TMEM268: variants seen among roughly 807,000 people sequenced by gnomAD.
The protein encoded by TMEM268 is transmembrane protein C9orf91.
Under a neutral mutation model 39.1 loss-of-function variants are expected in TMEM268, and 24 were observed. The observed-to-expected ratio is 0.61, with a 90% CI of 0.44 to 0.86. The LOEUF (loss-of-function observed/expected upper bound fraction) is 0.86, where lower values mean the gene tolerates loss of function less well. Among genes scored for constraint, TMEM268 ranks in the 40% least tolerant of loss-of-function variants. The probability of loss-of-function intolerance (pLI) is 0.00; values close to 1 mark genes in which losing one functional copy is unlikely to be tolerated. For synonymous variants in TMEM268, 176 were observed against 173.5 expected (o/e 1.01, Z -0.12); for missense variants, 409 against 428.6 (o/e 0.95, Z 0.40).
At chr9:114,617,360 C>G in intron 2 of TMEM268, 59 bp downstream of exon 2, 4 of 1,333,150 alleles carry the variant, frequency 3.0e-6, no homozygotes, top group Middle Eastern at 3.6e-4. Context: ...ACTGGACTCA[C>G]AGGGCACAGA....
intron 2 of TMEM268, among the ~76,000 whole-genome samples, chr9:114,619,320 C>T (rs1212114190): frequency 2.0e-5 from 3 of 151,304 alleles, no homozygotes; most frequent in Admixed American, 2.0e-4. Context: ...CACACACACA[C>T]AGACACACAC....
intron 6 of TMEM268, among the ~76,000 whole-genome samples, chr9:114,634,707 C>T (rs1846554392): frequency 6.6e-6 from 1 of 152,178 alleles, no homozygotes; most frequent in African/African-American, 2.4e-5. Context: ...AGAGGCTCCT[C>T]ATGCACCTGC....
At chr9:114,642,965 G>A (rs978799032) in intron 8 of TMEM268, among the ~76,000 whole-genome samples, 169 bp from the exon 9 acceptor site, 2 of 152,182 alleles carry the variant, frequency 1.3e-5, no homozygotes, top group Non-Finnish European at 1.5e-5. Flanking sequence ...TCTGGACCAG[G>A]CTGGCATCTT....
Position 114,643,514 on chromosome 9 carries a change from A to C in TMEM268, c.*201A>C. 1 of 579,022 alleles carries C rather than the reference A, an allele frequency of 1.7e-6. No individual in the cohort carries two copies. Among genetic ancestry groups the C allele is most frequent in the Non-Finnish European group, 3.1e-6 (1 of 324,988 alleles). 35.9% of individuals were successfully genotyped at this position (579,022 alleles called of 1,614,324 possible). A position where few individuals can be genotyped will look rare whatever the true frequency, so the allele number is the denominator to read the frequency against. On this transcript the variant is annotated 3_prime_UTR_variant, in exon 9 of 9. Coordinates refer to ENST00000288502, the MANE Select transcript of TMEM268 (RefSeq NM_153045.4). The stretch of plus-strand genomic sequence containing the variant: ...AATCCTTGTTTGACATCTCATGCTG[A>C]CCCCCTGGCCTTTGCAGAAGCTGAT...
chr9:114,610,038 T>C (rs1041785148), upstream of TMEM268, among the ~76,000 whole-genome samples: 7 of 149,496 alleles, frequency 4.7e-5, no homozygotes, highest in African/African-American at 1.7e-4. Flanking sequence ...TCGCGGTTTT[T>C]GCAATTTTTT....
chr9:114,607,093 T>A (rs1211334397), upstream of TMEM268, among the ~76,000 whole-genome samples: 2 of 152,214 alleles, frequency 1.3e-5, no homozygotes, highest in Admixed American at 1.3e-4. Context: ...ACAGGACAGA[T>A]GGAGCAACTG....
At chr9:114,607,403 C>G (rs1845379321), upstream of TMEM268, among the ~76,000 whole-genome samples, 1 of 152,122 alleles carries the variant, frequency 6.6e-6, no homozygotes, top group Non-Finnish European at 1.5e-5. Flanking sequence ...CACCTGTAAT[C>G]CCAGCACTTT....
At chr9:114,633,943 T>C (rs1846517553) in intron 6 of TMEM268, 65 bp downstream of exon 6, 1 of 890,518 alleles carries the variant, frequency 1.1e-6, no homozygotes, top group Non-Finnish European at 1.7e-6. Flanking sequence ...TGGAGAGCAG[T>C]GGCCTCATGT....
At chr9:114,618,016 A>G (rs953765217) in intron 2 of TMEM268, among the ~76,000 whole-genome samples, 13 of 152,012 alleles carry the variant, frequency 8.6e-5, no homozygotes, top group South Asian at 6.2e-4. Context: ...AGCTGGGATT[A>G]CAGGTACCCA....
At chr9:114,613,352 G>A (rs993186868) in intron 1 of TMEM268, among the ~76,000 whole-genome samples, 1 of 152,182 alleles carries the variant, frequency 6.6e-6, no homozygotes, top group African/African-American at 2.4e-5. Context: ...ATGGTCCCTC[G>A]TGGCTGCTCG....
chr9:114,643,069 G>C, intron 8 of TMEM268, 65 bp from the exon 9 acceptor site: 1 of 1,541,242 alleles, frequency 6.5e-7, no homozygotes, highest in Non-Finnish European at 8.9e-7. Context: ...TTCCCCTGGT[G>C]CCTAAGCCCT....
At chr9:114,633,688 GGT>G in intron 5 of TMEM268, 78 bp from the exon 6 acceptor site, 1 of 653,268 alleles carries the variant, frequency 1.5e-6, no homozygotes, top group Admixed American at 3.0e-5. Flanking sequence ...GGGGTGGGAT[GGT>G]GTGTTTCTAC....
chr9:114,610,282 T>A (rs1589319997), upstream of TMEM268, among the ~76,000 whole-genome samples: 1 of 152,050 alleles, frequency 6.6e-6, no homozygotes, highest in Non-Finnish European at 1.5e-5. Flanking sequence ...CAGGTAATCC[T>A]CCCGCCTCGG....
chr9:114,630,856 C>T (rs1461795655), intron 5 of TMEM268, among the ~76,000 whole-genome samples: 1 of 152,208 alleles, frequency 6.6e-6, no homozygotes, highest in African/African-American at 2.4e-5. Flanking sequence ...ACCTCCTCCT[C>T]CCTGGATCCC....
At chr9:114,633,258 T>G (rs1846479167) in intron 5 of TMEM268, among the ~76,000 whole-genome samples, 1 of 150,960 alleles carries the variant, frequency 6.6e-6, no homozygotes, top group Non-Finnish European at 1.5e-5. Flanking sequence ...GCCTCCTGGG[T>G]TCAAGCAATT....
chr9:114,619,071 T>C (rs1413176350), intron 2 of TMEM268, among the ~76,000 whole-genome samples: 1 of 152,214 alleles, frequency 6.6e-6, no homozygotes, highest in Non-Finnish European at 1.5e-5. Flanking sequence ...ATTTGACTGC[T>C]TAAAAACAAA....
intron 5 of TMEM268, among the ~76,000 whole-genome samples, 171 bp downstream of exon 5, chr9:114,628,421 T>C (rs1176205889): frequency 1.3e-5 from 2 of 152,220 alleles, no homozygotes; most frequent in Non-Finnish European, 2.9e-5. Flanking sequence ...GATTGTTCTC[T>C]CTGCTTTTCC....
upstream of TMEM268, among the ~76,000 whole-genome samples, chr9:114,608,944 C>CGAGCATG (rs199912955): frequency 0.011 from 1,640 of 152,228 alleles, 12 homozygotes; most frequent in Non-Finnish European, 0.018. Flanking sequence ...GAGGGCTGGC[C>CGAGCATG]GAGCATGCAG....
intron 8 of TMEM268, among the ~76,000 whole-genome samples, chr9:114,641,558 G>A (rs1332632936): frequency 1.3e-5 from 2 of 152,130 alleles, no homozygotes; most frequent in Non-Finnish European, 2.9e-5. Context: ...CGTGGCTCAC[G>A]CCTGTAATCC....
Sources: allele counts gnomAD v4.1 joint callset (sites outside exome capture counted in the v4.1 genomes callset), GRCh38; gene constraint gnomAD v4.1.1; transcripts MANE v1.5; gene names NCBI Gene and HGNC (gene_info 2026-07-23, HGNC 2026-07-21).